DNAH3: variants seen among roughly 807,000 people sequenced by gnomAD.
The protein encoded by DNAH3 is dynein axonemal heavy chain 3.
A neutral mutation model predicts 432.5 loss-of-function variants in DNAH3; 332 were observed. The observed-to-expected ratio is 0.77, with a 90% CI of 0.70 to 0.84. DNAH3 has a LOEUF of 0.84. Ranked by LOEUF, DNAH3 falls within the 40% of genes least tolerant of loss-of-function variation. The pLI, the probability that DNAH3 is intolerant of heterozygous loss-of-function variation, is 0.00. For synonymous variants in DNAH3, 1,956 were observed against 1,900.2 expected (o/e 1.03, Z -0.76); for missense variants, 4,861 against 5,114.0 (o/e 0.95, Z 1.51).
chr16:20,946,817 TC>T (rs1250559486), intron 57 of DNAH3, among the ~76,000 whole-genome samples: 3 of 119,370 alleles, frequency 2.5e-5, no homozygotes, highest in African/African-American at 3.1e-5. Context: ...TGATTGTGAG[TC>T]CTTTTTTTTT....
At chr16:21,044,280 T>C (rs1379448120) in intron 31 of DNAH3, among the ~76,000 whole-genome samples, 32 of 141,938 alleles carry the variant, frequency 2.3e-4, no homozygotes, top group South Asian at 9.5e-4. Context: ...GCCATTTTCA[T>C]GATATTGATT....
At chr16:21,065,482 G>A (rs2090513030) in intron 24 of DNAH3, among the ~76,000 whole-genome samples, 1 of 152,016 alleles carries the variant, frequency 6.6e-6, no homozygotes. Flanking sequence ...TTTTAATTAG[G>A]AATAACAGGA....
chr16:21,015,904 T>A (rs1225695428), intron 41 of DNAH3, among the ~76,000 whole-genome samples: 4 of 152,282 alleles, frequency 2.6e-5, no homozygotes, highest in African/African-American at 9.6e-5. Context: ...TTCTCCTGCC[T>A]CAGCCTCCTG....
At chr16:21,030,250 G>T (rs2152722930) in intron 37 of DNAH3, among the ~76,000 whole-genome samples, 1 of 152,260 alleles carries the variant, frequency 6.6e-6, no homozygotes, top group East Asian at 1.9e-4. Flanking sequence ...ATGCTTATCA[G>T]TTTCAAGCAT....
chr16:21,100,315 G>A (rs1305451115), intron 16 of DNAH3, among the ~76,000 whole-genome samples: 6 of 152,208 alleles, frequency 3.9e-5, no homozygotes, highest in Middle Eastern at 6.8e-3. Context: ...CAGGTGATTC[G>A]CCCACCTTGG....
At chr16:21,024,723 T>C in intron 38 of DNAH3, 22 bp from the exon 39 acceptor site, 1 of 1,571,168 alleles carries the variant, frequency 6.4e-7, no homozygotes, top group Non-Finnish European at 8.8e-7. Context: ...AGAGGACCAG[T>C]TTAGGTGCTC....
chr16:21,025,985 C>T (rs752693641), intron 38 of DNAH3, among the ~76,000 whole-genome samples: 52 of 151,986 alleles, frequency 3.4e-4, no homozygotes, highest in African/African-American at 1.4e-4. Flanking sequence ...GTGATCTGCC[C>T]GCCTCGGCCT....
chr16:21,096,065 T>C (rs1347986584), intron 18 of DNAH3, among the ~76,000 whole-genome samples: 2 of 151,996 alleles, frequency 1.3e-5, no homozygotes, highest in African/African-American at 2.4e-5. Flanking sequence ...CCACCATGAC[T>C]GGCTTTCTTG....
intron 1 of DNAH3, among the ~76,000 whole-genome samples, chr16:21,154,221 T>G (rs374872166): frequency 6.6e-6 from 1 of 152,162 alleles, no homozygotes; most frequent in Non-Finnish European, 1.5e-5. Context: ...CTGGCCAACA[T>G]GGTGAAACCC....
intron 8 of DNAH3, among the ~76,000 whole-genome samples, chr16:21,126,034 A>G (rs2092439629): frequency 6.6e-6 from 1 of 152,116 alleles, no homozygotes; most frequent in South Asian, 2.1e-4. Flanking sequence ...ATGGTGACAC[A>G]CACCTGTAGT....
At chr16:21,121,689 C>T (rs2092345842) in intron 10 of DNAH3, among the ~76,000 whole-genome samples, 1 of 151,380 alleles carries the variant, frequency 6.6e-6, no homozygotes, top group South Asian at 2.1e-4. Context: ...GAAACCTCTG[C>T]CTCCCGGGTT....
rs9938567 is a variant in DNAH3 at position 21,053,329 on chromosome 16, A to G, written c.4039+1091T>C. Among the ~76,000 whole-genome samples the G allele has an allele frequency of 8.7e-3, 1,329 of 152,276 alleles. 23 individuals carry two copies. The highest frequency in any genetic ancestry group is 0.045 in the South Asian group (218 of 4,830). ...AATATATAGGGGAACCACCTGATAC[A>G]TTCTCCCAAGGAAGAGGGTATAGGG... On this transcript the variant is annotated intron_variant, in intron 28 of 61. Coordinates refer to ENST00000261383, the Ensembl canonical transcript of DNAH3.
Position 21,020,737 on chromosome 16 carries a change from T to G in DNAH3, c.5777-868A>C, listed in dbSNP as rs150610242. On this transcript the variant is annotated intron_variant, in intron 40 of 61. Transcript: ENST00000261383. ...AATATTTTTATTGTGGTAAAATACATGATATATAATTTACCATCTAACCAT... is the reference window on the plus strand; with the variant it reads ...AATATTTTTATTGTGGTAAAATACAGGATATATAATTTACCATCTAACCAT... Among the ~76,000 whole-genome samples the G allele has an allele frequency of 1.2e-3, 181 of 152,166 alleles. 2 individuals are homozygous for G. Among genetic ancestry groups the G allele is most frequent in the South Asian group, 2.1e-3 (10 of 4,816 alleles).
exon 47 of DNAH3, chr16:20,987,388 G>C: frequency 6.2e-7 from 1 of 1,614,178 alleles, no homozygotes; most frequent in South Asian, 1.1e-5. Flanking sequence ...TTGTCAATCA[G>C]ACGATCATAG....
At chr16:21,058,745 C>A (rs1323889904) in intron 26 of DNAH3, among the ~76,000 whole-genome samples, 1 of 151,994 alleles carries the variant, frequency 6.6e-6, no homozygotes, top group East Asian at 1.9e-4. Context: ...GAACAGAAAA[C>A]CAAACACTGC....
At chr16:20,954,213 AC>A (rs2152592359) in intron 55 of DNAH3, among the ~76,000 whole-genome samples, 1 of 70,744 alleles carries the variant, frequency 1.4e-5, no homozygotes, top group East Asian at 5.9e-4. Context: ...ACAGAGTGAG[AC>A]CCTATCTCAA....
intron 18 of DNAH3, among the ~76,000 whole-genome samples, chr16:21,094,854 C>T (rs1272515825): frequency 6.6e-6 from 1 of 152,086 alleles, no homozygotes; most frequent in African/African-American, 2.4e-5. Flanking sequence ...GTGAATAAGT[C>T]TCATGAGAAC....
intron 18 of DNAH3, among the ~76,000 whole-genome samples, chr16:21,088,831 A>T (rs1434741045): frequency 6.6e-6 from 1 of 152,204 alleles, no homozygotes; most frequent in Non-Finnish European, 1.5e-5. Context: ...ACATTGCTGA[A>T]GTCATTCTTC....
intron 41 of DNAH3, among the ~76,000 whole-genome samples, chr16:21,004,280 C>T (rs1003101565): frequency 6.6e-6 from 1 of 152,160 alleles, no homozygotes; most frequent in African/African-American, 2.4e-5. Context: ...TCAACATGAT[C>T]ATTTTGCCAT....
Sources: allele counts gnomAD v4.1 joint callset (sites outside exome capture counted in the v4.1 genomes callset), GRCh38; gene constraint gnomAD v4.1.1; transcripts MANE v1.5; gene names NCBI Gene and HGNC (gene_info 2026-07-23, HGNC 2026-07-21).